Variants in TXNRD1 observed in about 807,000 individuals in gnomAD.
TXNRD1 encodes the protein thioredoxin reductase 1, cytoplasmic.
Under a neutral mutation model 80.3 loss-of-function variants are expected in TXNRD1, and 57 were observed. The observed-to-expected ratio is 0.71, with a 90% confidence interval of 0.57 to 0.89. The LOEUF is 0.89. Ranked by LOEUF, TXNRD1 falls within the 40% of genes least tolerant of loss-of-function variation. TXNRD1 has a pLI of 0.00. For synonymous variants in TXNRD1, 291 were observed against 285.2 expected (o/e 1.02, Z -0.20); for missense variants, 730 against 803.0 (o/e 0.91, Z 1.10).
intron 1 of TXNRD1, chr12:104,224,746 T>C: frequency 2.3e-6 from 1 of 441,296 alleles, no homozygotes; most frequent in Non-Finnish European, 4.6e-6. Flanking sequence ...AGATGCTCGG[T>C]AAATGTTCAA....
At chr12:104,280,784 T>A (rs2135734855) in intron 3 of TXNRD1, 1 of 152,210 alleles carries the variant, frequency 6.6e-6, no homozygotes, top group Non-Finnish European at 1.5e-5. Flanking sequence ...GATTGCCACA[T>A]CAATGCCTGC....
intron 3 of TXNRD1, among the ~76,000 whole-genome samples, chr12:104,282,235 G>A (rs1311742002): frequency 6.6e-6 from 1 of 152,140 alleles, no homozygotes; most frequent in Admixed American, 6.5e-5. Flanking sequence ...TGATGGCAGT[G>A]GGCAAAATTA....
At chr12:104,343,701 C>G (rs1030899012) in intron 16 of TXNRD1, among the ~76,000 whole-genome samples, 8 of 151,894 alleles carry the variant, frequency 5.3e-5, no homozygotes, top group African/African-American at 1.5e-4. Context: ...TGTTGGAGAC[C>G]GAGGCACAAG....
At chr12:104,331,086 A>G (rs1321485586) in intron 13 of TXNRD1, among the ~76,000 whole-genome samples, 1 of 152,040 alleles carries the variant, frequency 6.6e-6, no homozygotes, top group Non-Finnish European at 1.5e-5. Flanking sequence ...AGATTTCTAA[A>G]GGTGGGATTA....
chr12:104,218,834 C>A (rs2135671503), intron 1 of TXNRD1, among the ~76,000 whole-genome samples: 1 of 152,222 alleles, frequency 6.6e-6, no homozygotes, highest in East Asian at 1.9e-4. Flanking sequence ...TCTCAAACTT[C>A]TGGGCTCAAG....
chr12:104,322,414 T>C (rs371704000), intron 10 of TXNRD1, among the ~76,000 whole-genome samples: 1 of 147,920 alleles, frequency 6.8e-6, no homozygotes, highest in East Asian at 2.0e-4. Flanking sequence ...GGAGTTTTGC[T>C]TTGTCACCCA....
intron 2 of TXNRD1, among the ~76,000 whole-genome samples, chr12:104,257,068 G>A (rs1202350724): frequency 2.2e-4 from 33 of 150,444 alleles, no homozygotes; most frequent in Non-Finnish European, 2.1e-4. Context: ...TGTATAACTG[G>A]AGGAATATGG....
rs1021289580 is a variant in TXNRD1, at chr12:104,348,529, G to T, written c.*108G>T. 3.7e-6 allele frequency: 4 copies of T among 1,069,630 alleles called. No homozygotes were observed. The highest frequency in any genetic ancestry group is 4.2e-6 in the Non-Finnish European group (3 of 708,144). 66.3% of individuals were successfully genotyped at this position (1,069,630 alleles called of 1,614,324 possible). A position where few individuals can be genotyped will look rare whatever the true frequency, so the allele number is the denominator to read the frequency against. On this transcript the variant is annotated 3_prime_UTR_variant, in exon 17 of 17. Transcript: ENST00000525566. ...GTTCTTGGGCTCTTGGCACCTGCGT[G>T]TCCTGTGCTTACCACCGCCCAAGGC...
chr12:104,314,163 T>C (rs2035234295), intron 6 of TXNRD1, among the ~76,000 whole-genome samples: 1 of 152,116 alleles, frequency 6.6e-6, no homozygotes, highest in South Asian at 2.1e-4. Context: ...AAGGCAGGTG[T>C]CACTATTGAG....
At chr12:104,325,174 C>A (rs1429940260) in intron 10 of TXNRD1, among the ~76,000 whole-genome samples, 163 bp from the exon 11 acceptor site, 1 of 152,148 alleles carries the variant, frequency 6.6e-6, no homozygotes, top group African/African-American at 2.4e-5. Flanking sequence ...AGGAAATAAT[C>A]ATTTATCATC....
intron 3 of TXNRD1, among the ~76,000 whole-genome samples, chr12:104,268,426 G>T (rs2033582616): frequency 6.6e-6 from 1 of 151,632 alleles, no homozygotes; most frequent in South Asian, 2.1e-4. Flanking sequence ...TCCGGAGGGT[G>T]AGGCAGGAGA....
chr12:104,269,399 C>CTTTTTTTT (rs71069741), intron 3 of TXNRD1, among the ~76,000 whole-genome samples: 2 of 120,452 alleles, frequency 1.7e-5, no homozygotes, highest in African/African-American at 6.3e-5. Flanking sequence ...GTGTTTCTTT[C>CTTTTTTTT]TTTTTTTTTT....
intron 1 of TXNRD1, among the ~76,000 whole-genome samples, chr12:104,230,080 T>G (rs1185781513): frequency 6.6e-6 from 1 of 151,024 alleles, no homozygotes; most frequent in Non-Finnish European, 1.5e-5. Context: ...ATTTTTTTCA[T>G]TTTTTTTGAG....
chr12:104,313,153 A>G, intron 5 of TXNRD1, 92 bp from the exon 6 acceptor site: 1 of 997,608 alleles, frequency 1.0e-6, no homozygotes, highest in East Asian at 2.6e-5. Context: ...TTTAAGCTCT[A>G]TAGCTTAAAA....
At chr12:104,277,415 A>AG (rs71069743) in intron 3 of TXNRD1, among the ~76,000 whole-genome samples, 5 of 150,052 alleles carry the variant, frequency 3.3e-5, no homozygotes, top group Non-Finnish European at 5.9e-5. Flanking sequence ...AAAAAAAAAA[A>AG]TTAGTCAGGC....
rs373356015 is a variant in TXNRD1 at position 104,326,407 on chromosome 12, G to T, written c.1369G>T (p.Val457Leu). Reference sequence around the variant, plus strand: ...AAAAATTGGCTTAGAAACCGTAGGGGTGAAGATAAATGAAAAGTAAGAAAA... The same window carrying T: ...AAAAATTGGCTTAGAAACCGTAGGGTTGAAGATAAATGAAAAGTAAGAAAA... ...TRKIGLETVG[V>L]KINEKTGKIP... The change falls in exon 12 of 17, where the codon GTG (valine) becomes TTG (leucine). Residue 457 changes from valine to leucine, a missense_variant. Transcript: ENST00000525566. 3.8e-6 allele frequency: 6 copies of T among 1,577,876 alleles called. No homozygotes were observed. The highest frequency in any genetic ancestry group is 4.3e-6 in the Non-Finnish European group (5 of 1,165,130).
intron 1 of TXNRD1, among the ~76,000 whole-genome samples, chr12:104,251,112 C>A (rs955812918): frequency 5.9e-5 from 9 of 152,096 alleles, no homozygotes; most frequent in Admixed American, 5.2e-4. Context: ...GTGGTCTGCC[C>A]CTATGTCTGT....
chr12:104,310,174 C>G (rs576823768), intron 4 of TXNRD1: 3 of 906,944 alleles, frequency 3.3e-6, no homozygotes, highest in Non-Finnish European at 4.5e-6. Context: ...GAGATGGAGT[C>G]TCACTCTGTG....
intron 4 of TXNRD1, among the ~76,000 whole-genome samples, chr12:104,295,223 C>G (rs1272491617): frequency 6.6e-6 from 1 of 150,902 alleles, no homozygotes; most frequent in Non-Finnish European, 1.5e-5. Context: ...TCTTTTTTTG[C>G]TGTGTATCTG....
Sources: gnomAD v4.1 joint callset for allele counts (sites outside exome capture counted in the v4.1 genomes callset) on GRCh38, gnomAD v4.1.1 for gene constraint, MANE v1.5 for transcripts, NCBI Gene and HGNC (gene_info 2026-07-23, HGNC 2026-07-21) for gene names.